Variants in ABCA10 observed in about 807,000 individuals in gnomAD.
ABCA10 encodes the protein ATP-binding cassette sub-family A member 10.
A neutral mutation model predicts 187.5 loss-of-function variants in ABCA10; 169 were observed. That is an observed-to-expected ratio of 0.90 (90% CI 0.80 to 1.02). The LOEUF is 1.02. Among genes scored for constraint, ABCA10 ranks in the 50% least tolerant of loss-of-function variants. ABCA10 has a pLI of 0.00. For missense variants in ABCA10, 1,727 were observed against 1,812.4 expected, an observed-to-expected ratio of 0.95 and a Z score of 0.86; for synonymous variants, 574 against 601.8, an observed-to-expected ratio of 0.95 and a Z score of 0.68.
chr17:69,150,332 G>T, intron 36 of ABCA10: 1 of 297,162 alleles, frequency 3.4e-6, no homozygotes, highest in Non-Finnish European at 6.3e-6. Context: ...CTTTGTTATT[G>T]TGCTATATTT....
intron 20 of ABCA10, 35 bp from the exon 21 acceptor site, chr17:69,182,843 A>T: frequency 6.4e-7 from 1 of 1,552,128 alleles, no homozygotes. Flanking sequence ...AAGAAAAAAA[A>T]AAAAAAAGCA....
At chr17:69,231,459 A>G (rs1284989560), upstream of ABCA10, among the ~76,000 whole-genome samples, 1 of 152,114 alleles carries the variant, frequency 6.6e-6, no homozygotes, top group Admixed American at 6.6e-5. Context: ...GTTCTAGTAT[A>G]TCATGTTCCC....
chr17:69,199,266 C>CTTTTT (rs10654119), intron 10 of ABCA10, among the ~76,000 whole-genome samples: 356 of 151,530 alleles, frequency 2.3e-3, no homozygotes, highest in Non-Finnish European at 4.1e-3. Flanking sequence ...AGCTCTACTA[C>CTTTTT]TTATCAGTTA....
At position 69,149,489 on chromosome 17, in the gene ABCA10, T is replaced by G. The variant is rs547965186; in HGVS notation, c.4478-401A>C. On this transcript the variant is annotated intron_variant, in intron 37 of 38. Coordinates refer to ENST00000690296, the MANE Select transcript of ABCA10 (RefSeq NM_001377321.1). The stretch of plus-strand genomic sequence containing the variant: ...CATAAATACGCAGTGTCTCTGGAAC[T>G]AGTTCAGAAGCCCCTCTTCAATAGT... Among the ~76,000 whole-genome samples, 246 of 152,286 alleles carry G rather than the reference T, an allele frequency of 1.6e-3. 1 individual carries two copies. Among genetic ancestry groups the G allele is most frequent in the Admixed American group, 2.4e-3 (37 of 15,286 alleles).
At chr17:69,239,355 T>C (rs1413283791) in intron 1 of ABCA10, among the ~76,000 whole-genome samples, 1 of 152,208 alleles carries the variant, frequency 6.6e-6, no homozygotes, top group African/African-American at 2.4e-5. Flanking sequence ...GAAAGAAACA[T>C]GTGAGCTGCA....
chr17:69,214,897 C>G, intron 8 of ABCA10, 46 bp from the exon 9 acceptor site: 4 of 1,361,174 alleles, frequency 2.9e-6, no homozygotes, highest in Non-Finnish European at 3.9e-6. Context: ...ACTTATAAAA[C>G]TAAATAAAAC....
chr17:69,193,220 C>T lies in ABCA10; in HGVS notation c.1670G>A (p.Gly557Glu), dbSNP rs201976695. 2 of 1,613,756 alleles carry T rather than the reference C, an allele frequency of 1.2e-6. No individual in the cohort carries two copies. The highest frequency in any genetic ancestry group is 2.2e-5 in the East Asian group (1 of 44,880). Residue 557 changes from glycine to glutamate, a missense_variant, in exon 15 of 39, where the codon GGA becomes GAA. Coordinates refer to ENST00000690296, the MANE Select transcript of ABCA10 (RefSeq NM_001377321.1). Reference protein sequence around the residue: ...QVLLLDEPTAGLDPFSRHRVW... With the variant: ...QVLLLDEPTAELDPFSRHRVW... ...TCGGTGTCTTGAAAAGGGATCCAATCCAGCAGTTGGTTCATCTAGCAGCAA... is the reference window on the plus strand; with the variant it reads ...TCGGTGTCTTGAAAAGGGATCCAATTCAGCAGTTGGTTCATCTAGCAGCAA...
intron 27 of ABCA10, among the ~76,000 whole-genome samples, chr17:69,158,921 G>A (rs2074194700): frequency 6.6e-6 from 1 of 151,904 alleles, no homozygotes. Context: ...ATTTCATGTT[G>A]GAAGACATAA....
chr17:69,223,680 T>A, intron 3 of ABCA10: 1 of 451,044 alleles, frequency 2.2e-6, no homozygotes, highest in Non-Finnish European at 4.4e-6. Context: ...GAAACTTTTA[T>A]GAGGACAGTG....
intron 36 of ABCA10, among the ~76,000 whole-genome samples, chr17:69,151,407 G>A (rs913692868): frequency 1.3e-5 from 2 of 151,886 alleles, no homozygotes; most frequent in African/African-American, 2.4e-5. Flanking sequence ...ATACACAGCC[G>A]GCAGCAGATA....
At position 69,193,904 on chromosome 17, in the gene ABCA10, G is replaced by A. The variant is rs1247454308; in HGVS notation, c.1431C>T (p.Phe477=). The A allele has an allele frequency of 5.0e-6, 8 of 1,613,040 alleles. No individual in the cohort carries two copies. The highest frequency in any genetic ancestry group is 6.8e-6 in the Non-Finnish European group (8 of 1,179,292). ...IRKNIGFCPQ[F]NFQFDFLTVR... is the part of the protein sequence containing the mutation. ...CAGTGAGGAAGTCAAATTGAAAATT[G>A]AACTGTGGACAAAATCCAATATTCT... is the stretch of plus-strand genomic sequence containing the variant. Residue 477 remains phenylalanine (F), a synonymous_variant, in exon 13 of 39, where the codon TTC becomes TTT. Coordinates refer to ENST00000690296, the MANE Select transcript of ABCA10 (RefSeq NM_001377321.1).
intron 27 of ABCA10, 109 bp from the exon 28 acceptor site, chr17:69,157,032 A>T (rs1158118939): frequency 1.1e-5 from 7 of 633,244 alleles, no homozygotes; most frequent in Non-Finnish European, 1.7e-5. Flanking sequence ...TTTCTTGAAG[A>T]TTTGATCATT....
intron 36 of ABCA10, chr17:69,150,403 T>C (rs529993763): frequency 1.8e-5 from 3 of 171,366 alleles, no homozygotes; most frequent in Non-Finnish European, 3.7e-5. Context: ...CCCTCTCTCA[T>C]AGGAGAGATT....
In ABCA10 at chr17:69,216,337, G is replaced by A. The variant is rs770318802; in HGVS notation, c.552C>T (p.Tyr184=). 2 of 1,612,776 alleles carry A rather than the reference G, an allele frequency of 1.2e-6. No homozygotes were observed. Among genetic ancestry groups the A allele is most frequent in the South Asian group, 2.2e-5 (2 of 90,750 alleles). ...TGGACATAATGAAGATGAAGCAAAT[G>A]TATGTCAATCCCCAGGAGAGCCTAT... ...SAFWLSWGLT[Y]ICFIFIMSIF... Residue 184 remains tyrosine (Y), a synonymous_variant, in exon 7 of 39, where the codon TAC becomes TAT. Transcript: ENST00000690296.
At chr17:69,234,655 T>C (rs2074854025) in intron 1 of ABCA10, 1 of 152,216 alleles carries the variant, frequency 6.6e-6, no homozygotes, top group East Asian at 1.9e-4. Flanking sequence ...ATTGTTGTTA[T>C]GGGGGGTGGC....
At position 69,225,449 on chromosome 17, in the gene ABCA10, T is replaced by C. The variant is rs763351520; in HGVS notation, c.-91A>G. 5 of 1,404,944 alleles carry C rather than the reference T, an allele frequency of 3.6e-6. No homozygotes were observed. Among genetic ancestry groups the C allele is most frequent in the Non-Finnish European group, 5.0e-6 (5 of 1,002,632 alleles). 87.0% of individuals were successfully genotyped at this position (1,404,944 alleles called of 1,614,324 possible). On this transcript the variant is annotated 5_prime_UTR_variant, in exon 3 of 39. Coordinates refer to ENST00000690296, the MANE Select transcript of ABCA10 (RefSeq NM_001377321.1). ...CCACGCTTCCCAGGACTTTAGGAGG[T>C]TGTTCAGGAAAACGGGTAGCTCTGA...
chr17:69,232,344 A>T (rs1291645739), upstream of ABCA10, among the ~76,000 whole-genome samples: 1 of 151,588 alleles, frequency 6.6e-6, no homozygotes, highest in Non-Finnish European at 1.5e-5. Flanking sequence ...TGTGTAAATG[A>T]TTTTCTCTAG....
Position 69,224,459 on chromosome 17 carries a change from C to A in ABCA10, c.34+866G>T, listed in dbSNP as rs139646345. ...ATTTTATCCTGATACTTTCCCTATG[C>A]AGGAGCAAAGGCCTCTATGGAGAGT... On this transcript the variant is annotated intron_variant, in intron 3 of 38. Coordinates refer to ENST00000690296, the MANE Select transcript of ABCA10 (RefSeq NM_001377321.1). Among the ~76,000 whole-genome samples, 760 of 152,192 alleles carry A rather than the reference C, an allele frequency of 5.0e-3. 7 individuals carry two copies. The highest frequency in any genetic ancestry group is 0.017 in the African/African-American group (704 of 41,542).
chr17:69,168,331 T>G (rs963201277), intron 25 of ABCA10, among the ~76,000 whole-genome samples: 3 of 152,146 alleles, frequency 2.0e-5, no homozygotes, highest in Non-Finnish European at 2.9e-5. Context: ...GTCAAATATA[T>G]TTTGATTTGA....
Sources: gnomAD v4.1 joint callset for allele counts (sites outside exome capture counted in the v4.1 genomes callset) on GRCh38, gnomAD v4.1.1 for gene constraint, MANE v1.5 for transcripts, NCBI Gene and HGNC (gene_info 2026-07-23, HGNC 2026-07-21) for gene names.